SGSM1: variants seen among roughly 807,000 people sequenced by gnomAD.
SGSM1 encodes RUN and TBC1 domain containing 2.
SGSM1 carries 73 observed loss-of-function variants against 133.8 expected under a neutral mutation model. The observed-to-expected ratio is 0.55, with a 90% CI of 0.45 to 0.66. The LOEUF is 0.66. Among genes scored for constraint, SGSM1 ranks in the 30% least tolerant of loss-of-function variants. SGSM1 has a pLI of 0.00. For missense variants in SGSM1, 1,213 were observed against 1,448.1 expected, an observed-to-expected ratio of 0.84 and a Z score of 2.64; for synonymous variants, 563 against 573.0, an observed-to-expected ratio of 0.98 and a Z score of 0.25.
chr22:24,849,355 A>G (rs1203116571), intron 4 of SGSM1, among the ~76,000 whole-genome samples: 1 of 152,100 alleles, frequency 6.6e-6, no homozygotes. Flanking sequence ...GGAGTTCAAG[A>G]CCAGCCTGAC....
intron 2 of SGSM1, among the ~76,000 whole-genome samples, chr22:24,828,472 A>C (rs1250314270): frequency 6.6e-6 from 1 of 152,196 alleles, no homozygotes; most frequent in African/African-American, 2.4e-5. Flanking sequence ...ACACTTCGCT[A>C]AAAAAGACAT....
chr22:24,908,657 C>G (rs1230810280), intron 21 of SGSM1, among the ~76,000 whole-genome samples: 2 of 152,012 alleles, frequency 1.3e-5, no homozygotes, highest in Admixed American at 1.3e-4. Flanking sequence ...AAAAAATTAG[C>G]TGGGCGTGGT....
intron 21 of SGSM1, among the ~76,000 whole-genome samples, chr22:24,908,759 G>A (rs541020183): frequency 1.3e-4 from 20 of 150,120 alleles, no homozygotes; most frequent in South Asian, 4.2e-4. Flanking sequence ...CCGAGATCGC[G>A]CCACTGCACT....
Position 24,898,502 on chromosome 22 carries a change from T to G in SGSM1, c.2553T>G (p.Ala851=). Residue 851 remains alanine, a synonymous_variant, in exon 19 of 25, where the codon GCT becomes GCG. Coordinates refer to ENST00000400358, the MANE Select transcript of SGSM1 (RefSeq NM_001098497.3). ...TCTTCCCTGCCCTGGCTTCTCTGGC[T>G]GTGACTACTTCTGCCAACGAGGTGT... The part of the protein sequence containing the change: ...ESLFPALASL[A]VTTSANEVSP... The G allele has an allele frequency of 1.9e-6, 3 of 1,613,828 alleles. No individual in the cohort carries two copies. Among genetic ancestry groups the G allele is most frequent in the Non-Finnish European group, 1.7e-6 (2 of 1,179,818 alleles).
Position 24,913,782 on chromosome 22 carries a change from G to T in SGSM1, c.2928+1030G>T, listed in dbSNP as rs970527505. ...TGCCAGTAATCCCAGCACTTTGGGA[G>T]GCAGAGGCGGGCGGATCACTTGAGG... On this transcript the variant is annotated intron_variant, in intron 22 of 24. Coordinates refer to ENST00000400358, the MANE Select transcript of SGSM1 (RefSeq NM_001098497.3). 5.9e-5 allele frequency among the ~76,000 whole-genome samples: 9 copies of T among 152,300 alleles called. No individual in the cohort carries two copies. The East Asian group carries it at 1.5e-3, about 26-fold the overall frequency.
chr22:24,852,674 C>G (rs1454718817), intron 5 of SGSM1, among the ~76,000 whole-genome samples: 3 of 152,150 alleles, frequency 2.0e-5, no homozygotes, highest in Non-Finnish European at 4.4e-5. Flanking sequence ...AACTCCTGGC[C>G]TCAGGTGATG....
intron 19 of SGSM1, among the ~76,000 whole-genome samples, chr22:24,898,823 C>T (rs951741001): frequency 1.3e-5 from 2 of 151,844 alleles, no homozygotes; most frequent in African/African-American, 4.8e-5. Flanking sequence ...GTCAGAAGAT[C>T]GAGACCATCC....
At chr22:24,914,494 A>G (rs554390325) in intron 22 of SGSM1, among the ~76,000 whole-genome samples, 1 of 151,230 alleles carries the variant, frequency 6.6e-6, no homozygotes, top group Non-Finnish European at 1.5e-5. Flanking sequence ...AAAAAAAATT[A>G]ACCATAGATT....
At position 24,811,026 on chromosome 22, in the gene SGSM1, A is replaced by G. The variant is rs571587315; in HGVS notation, c.63+4542A>G. On this transcript the variant is annotated intron_variant, in intron 2 of 24. Transcript: ENST00000400358. ...GATAACATCCAGGTCGCCCAGTTAA[A>G]TTTGACTTTCAGATAAACAGTGAGT... Among the ~76,000 whole-genome samples the G allele has an allele frequency of 3.9e-5, 6 of 152,332 alleles. No homozygotes were observed. The South Asian group carries it at 1.2e-3, about 32-fold the overall frequency.
At chr22:24,839,135 A>G (rs1485367840) in intron 2 of SGSM1, among the ~76,000 whole-genome samples, 1 of 152,172 alleles carries the variant, frequency 6.6e-6, no homozygotes, top group East Asian at 1.9e-4. Flanking sequence ...GGCTCACTGC[A>G]GCCTCAACCT....
intron 16 of SGSM1, among the ~76,000 whole-genome samples, chr22:24,892,488 C>T (rs898892187): frequency 6.6e-6 from 1 of 152,150 alleles, no homozygotes; most frequent in African/African-American, 2.4e-5. Context: ...TCTGTAAGGC[C>T]ATTGCTGTAA....
rs931877336 is a variant in SGSM1, at chr22:24,905,306, C to G, written c.2818+119C>G. On this transcript the variant is annotated intron_variant, in intron 21 of 24. Transcript: ENST00000400358. ...TGGCTCCAGCCAGGTGCTCTGAAGG[C>G]CTGTCTGGTGAACACATCAAGATCC... The G allele has an allele frequency of 3.1e-6, 3 of 957,970 alleles. No homozygotes were observed. The East Asian group carries it at 7.2e-5, about 23-fold the overall frequency. The allele number at this position is 957,970 out of a possible 1,614,324, so 59.3% of individuals were successfully genotyped here. A position where few individuals can be genotyped will look rare whatever the true frequency, so the allele number is the denominator to read the frequency against.
chr22:24,836,216 C>T (rs922713626), intron 2 of SGSM1, among the ~76,000 whole-genome samples: 1 of 152,104 alleles, frequency 6.6e-6, no homozygotes, highest in African/African-American at 2.4e-5. Context: ...TGTTATTTTG[C>T]GTCTAGATTA....
chr22:24,887,107 T>TTCTG (rs149317559), intron 16 of SGSM1, among the ~76,000 whole-genome samples: 4 of 145,212 alleles, frequency 2.8e-5, no homozygotes, highest in Non-Finnish European at 6.0e-5. Context: ...TTGTACTTAT[T>TTCTG]TGTGTGTGTG....
chr22:24,900,343 CTTT>C (rs1436375841), intron 19 of SGSM1, among the ~76,000 whole-genome samples: 6 of 23,324 alleles, frequency 2.6e-4, no homozygotes, highest in Admixed American at 2.4e-3. Flanking sequence ...TTAACCTCTT[CTTT>C]CTTTCTTTCT....
chr22:24,823,754 A>G (rs1285836015), intron 2 of SGSM1, among the ~76,000 whole-genome samples: 1 of 151,560 alleles, frequency 6.6e-6, no homozygotes, highest in Non-Finnish European at 1.5e-5. Flanking sequence ...GCAACATTAA[A>G]AAAAAATTAA....
intron 2 of SGSM1, among the ~76,000 whole-genome samples, chr22:24,819,527 C>T (rs1259177188): frequency 6.6e-6 from 1 of 152,236 alleles, no homozygotes; most frequent in Non-Finnish European, 1.5e-5. Context: ...CGAGGTCACC[C>T]AGCAAATAGC....
At chr22:24,850,180 T>G (rs1365383273) in intron 4 of SGSM1, 100 bp from the exon 5 acceptor site, 1 of 1,272,946 alleles carries the variant, frequency 7.9e-7, no homozygotes, top group Non-Finnish European at 1.1e-6. Flanking sequence ...CTGCCATTCC[T>G]TCATTTTCCT....
At chr22:24,899,038 A>T (rs1040219351) in intron 19 of SGSM1, among the ~76,000 whole-genome samples, 1 of 151,028 alleles carries the variant, frequency 6.6e-6, no homozygotes, top group Non-Finnish European at 1.5e-5. Flanking sequence ...AAAAAAAAAA[A>T]AAAAAAAAAC....
Sources: allele counts gnomAD v4.1 joint callset (sites outside exome capture counted in the v4.1 genomes callset), GRCh38; gene constraint gnomAD v4.1.1; transcripts MANE v1.5; gene names NCBI Gene and HGNC (gene_info 2026-07-23, HGNC 2026-07-21).